Variants in VIPR2 observed in about 807,000 individuals in gnomAD.
VIPR2 encodes vasoactive intestinal polypeptide receptor 2.
Under a neutral mutation model 58.0 loss-of-function variants are expected in VIPR2, and 48 were observed. The observed-to-expected ratio is 0.83, with a 90% confidence interval of 0.66 to 1.05. VIPR2 has a LOEUF of 1.05. VIPR2 is among the 50% of genes least tolerant of loss of function. The pLI is 0.00. For missense variants in VIPR2, 534 were observed against 558.0 expected, an observed-to-expected ratio of 0.96 and a Z score of 0.43; for synonymous variants, 243 against 235.2, an observed-to-expected ratio of 1.03 and a Z score of -0.30.
Position 159,096,818 on chromosome 7 carries a change from C to T in VIPR2, c.357+6939G>A, listed in dbSNP as rs1188867023. 1.4e-6 allele frequency: 2 copies of T among 1,461,774 alleles called. No homozygotes were observed. Among genetic ancestry groups the T allele is most frequent in the African/African-American group, 2.8e-5 (2 of 70,808 alleles). The allele number at this position is 1,461,774 out of a possible 1,614,324, so 90.6% of individuals were successfully genotyped here. A position where few individuals can be genotyped will look rare whatever the true frequency, so the allele number is the denominator to read the frequency against. Reference sequence around the variant, plus strand: ...GCCCCCGCAGCAGCCACAGGCCCAGCTCTTGTCCCGGCCCACCTCGGGATG... The same window carrying T: ...GCCCCCGCAGCAGCCACAGGCCCAGTTCTTGTCCCGGCCCACCTCGGGATG... On this transcript the variant is annotated intron_variant, in intron 4 of 12. Coordinates refer to ENST00000262178, the MANE Select transcript of VIPR2 (RefSeq NM_003382.5). This position sits in a 1 kb window ranked among gnomAD's most constrained non-coding sequence, Gnocchi z 5.5.
chr7:159,053,069 C>G (rs1855098962), intron 5 of VIPR2, among the ~76,000 whole-genome samples: 1 of 152,076 alleles, frequency 6.6e-6, no homozygotes, highest in Non-Finnish European at 1.5e-5. Flanking sequence ...AATAAAGAAT[C>G]CATAAATGGA....
At chr7:159,119,073 G>A (rs1796352981) in intron 2 of VIPR2, among the ~76,000 whole-genome samples, 1 of 152,324 alleles carries the variant, frequency 6.6e-6, no homozygotes, top group African/African-American at 2.4e-5. Flanking sequence ...AGTGTACCCA[G>A]GGCTGAGGCC....
At chr7:159,140,071 TTTTTTG>T (rs202180257) in intron 2 of VIPR2, among the ~76,000 whole-genome samples, 18,830 of 152,166 alleles carry the variant, frequency 0.12, 1,203 homozygotes, top group East Asian at 0.15. Flanking sequence ...ATTTACGTGT[TTTTTTG>T]TTTTTGTTTT....
At chr7:159,074,656 C>T in intron 4 of VIPR2, among the ~76,000 whole-genome samples, 1 of 152,290 alleles carries the variant, frequency 6.6e-6, no homozygotes, top group Admixed American at 6.5e-5. Flanking sequence ...AGATAATATA[C>T]TATTAAAAAT....
At chr7:159,139,508 G>C (rs75522535) in intron 2 of VIPR2, among the ~76,000 whole-genome samples, 3,854 of 152,288 alleles carry the variant, frequency 0.025, 96 homozygotes, top group East Asian at 0.12. Flanking sequence ...TTGTTAGCCT[G>C]CAAGTGGGGA....
Position 159,088,432 on chromosome 7 carries a change from C to T in VIPR2, c.357+15325G>A, listed in dbSNP as rs1194985921. Among the ~76,000 whole-genome samples, 5 of 152,258 alleles carry T rather than the reference C, an allele frequency of 3.3e-5. No individual in the cohort carries two copies. The South Asian group carries it at 8.3e-4, about 25-fold the overall frequency. On this transcript the variant is annotated intron_variant, in intron 4 of 12. Transcript: ENST00000262178. ...GTTCATCCGCACACATGCTGCAGCACACCTGTACACCTGCGGCAGTACACC... is the reference window on the plus strand; with the variant it reads ...GTTCATCCGCACACATGCTGCAGCATACCTGTACACCTGCGGCAGTACACC...
At position 159,127,325 on chromosome 7, in the gene VIPR2, TCAGGTGGATTCCA is replaced by T. The variant is rs947694865; in HGVS notation, c.151+15108_151+15120del. On this transcript the variant is annotated intron_variant, in intron 2 of 12. Transcript: ENST00000262178. This position sits in a 1 kb window ranked among gnomAD's most constrained non-coding sequence, Gnocchi z 4.6. ...CAGCGGTTTGATTCTGGGTTGGGGT[TCAGGTGGATTCCA>T]CAGGCGGGGGCCACATTCTGGTACC... 3.3e-5 allele frequency among the ~76,000 whole-genome samples: 5 copies of T among 152,192 alleles called. No individual in the cohort carries two copies. The highest frequency in any genetic ancestry group is 2.4e-5 in the African/African-American group (1 of 41,460).
intron 4 of VIPR2, among the ~76,000 whole-genome samples, chr7:159,079,623 G>T (rs1856804504): frequency 6.6e-6 from 1 of 152,098 alleles, no homozygotes; most frequent in Non-Finnish European, 1.5e-5. Context: ...GATCAGAGCA[G>T]AACTGAAGGA....
chr7:159,087,095 T>G (rs182092927), intron 4 of VIPR2, among the ~76,000 whole-genome samples: 1 of 151,852 alleles, frequency 6.6e-6, no homozygotes, highest in Admixed American at 6.6e-5. Flanking sequence ...GCCAGGACTC[T>G]GATAGTGAGA....
chr7:159,137,139 G>A (rs1433231653), intron 2 of VIPR2, among the ~76,000 whole-genome samples: 1 of 152,078 alleles, frequency 6.6e-6, no homozygotes, highest in Non-Finnish European at 1.5e-5. Flanking sequence ...CACCTCAAGG[G>A]GCCGGCCGCC....
intron 4 of VIPR2, among the ~76,000 whole-genome samples, chr7:159,077,313 C>A (rs796670930): frequency 1.4e-4 from 21 of 148,296 alleles, no homozygotes; most frequent in African/African-American, 5.4e-4. Context: ...CAGATTCTAG[C>A]CCTGTTCAAT....
At chr7:159,038,541 C>CT (rs1332664700) in intron 6 of VIPR2, among the ~76,000 whole-genome samples, 1 of 152,134 alleles carries the variant, frequency 6.6e-6, no homozygotes, top group Non-Finnish European at 1.5e-5. Context: ...CAATTTGTGA[C>CT]TTACTGCCAC....
chr7:159,109,458 C>T (rs117276320), intron 3 of VIPR2, among the ~76,000 whole-genome samples: 2,077 of 152,328 alleles, frequency 0.014, 31 homozygotes, highest in Admixed American at 0.033. Context: ...CCAGAGTGTG[C>T]TCTCTGGGGC....
chr7:159,102,046 CGG>C (rs1858308524), intron 4 of VIPR2, among the ~76,000 whole-genome samples: 1 of 112,904 alleles, frequency 8.9e-6, no homozygotes, highest in Admixed American at 8.9e-5. Flanking sequence ...TGATAGTGAA[CGG>C]GTCTCACGAG....
intron 2 of VIPR2, among the ~76,000 whole-genome samples, chr7:159,119,117 C>T (rs1796355285): frequency 6.6e-6 from 1 of 152,166 alleles, no homozygotes. Flanking sequence ...AATGGGGTCA[C>T]CATGTAGGGT....
At chr7:159,078,301 T>C (rs970509775) in intron 4 of VIPR2, among the ~76,000 whole-genome samples, 1 of 152,306 alleles carries the variant, frequency 6.6e-6, no homozygotes, top group Non-Finnish European at 1.5e-5. Flanking sequence ...TTTGTTTCCA[T>C]AGAAATATCT....
At chr7:159,100,744 G>A (rs957852312) in intron 4 of VIPR2, among the ~76,000 whole-genome samples, 2 of 151,450 alleles carry the variant, frequency 1.3e-5, no homozygotes, top group East Asian at 2.0e-4. Context: ...AGGCGGTTCC[G>A]ACTGTTCCTG....
chr7:159,144,173 G>A (rs996105903), intron 1 of VIPR2: 2 of 883,390 alleles, frequency 2.3e-6, no homozygotes, highest in African/African-American at 1.7e-5. Context: ...AACTCCATGT[G>A]CGAAGGCACT....
chr7:159,069,925 G>A (rs1294603679), intron 4 of VIPR2, among the ~76,000 whole-genome samples: 2 of 152,144 alleles, frequency 1.3e-5, no homozygotes, highest in East Asian at 3.8e-4. Context: ...TCTTGTTCAT[G>A]GTGCTTTTTC....
Sources: allele counts gnomAD v4.1 joint callset (sites outside exome capture counted in the v4.1 genomes callset), GRCh38; gene constraint gnomAD v4.1.1; non-coding constraint Gnocchi (gnomAD v3.1); transcripts MANE v1.5; gene names NCBI Gene and HGNC (gene_info 2026-07-23, HGNC 2026-07-21).